The following LRP1 variants were observed in gnomAD, a reference collection of about 807,000 sequenced individuals.
The protein encoded by LRP1 is LDL receptor related protein 1.
LRP1 carries 51 observed loss-of-function variants against 541.5 expected under a neutral mutation model. The ratio of observed to expected loss-of-function variants is 0.09; its 90% CI spans 0.08 to 0.12. The LOEUF is 0.12. Ranked by LOEUF, LRP1 falls within the 10% of genes least tolerant of loss-of-function variation. The probability of loss-of-function intolerance (pLI) is 1.00; values close to 1 mark genes in which losing one functional copy is unlikely to be tolerated. For missense variants in LRP1, 3,878 were observed against 6,376.2 expected, an observed-to-expected ratio of 0.61 and a Z score of 13.34; for synonymous variants, 2,219 against 2,470.8, an observed-to-expected ratio of 0.90 and a Z score of 3.02.
Position 57,175,958 on chromosome 12 carries a change from C to T in LRP1, c.3843C>T (p.Arg1281=), listed in dbSNP as rs1465454736. 4 of 1,614,134 alleles carry T rather than the reference C, an allele frequency of 2.5e-6. No homozygotes were observed. In the Admixed American group the frequency reaches 6.7e-5, roughly 27 times the overall value. The change falls in exon 24 of 89, where the codon CGC becomes CGT. Residue 1281 remains arginine (R), a synonymous_variant. Coordinates refer to ENST00000243077, the MANE Select transcript of LRP1 (RefSeq NM_002332.3). ...TCTCCAACCGCCATGAAATCCGGCGCATCGATCTTCACAAAGGAGACTACA... is the reference window on the plus strand; with the variant it reads ...TCTCCAACCGCCATGAAATCCGGCGTATCGATCTTCACAAAGGAGACTACA... ...IIFSNRHEIR[R]IDLHKGDYSV... is the part of the protein sequence containing the mutation.
chr12:57,154,275 G>A lies in LRP1; in HGVS notation c.909G>A (p.Arg303=), dbSNP rs1328928509. The A allele has an allele frequency of 1.5e-5, 25 of 1,614,200 alleles. No homozygotes were observed. Among genetic ancestry groups the A allele is most frequent in the Non-Finnish European group, 2.1e-5 (25 of 1,180,026 alleles). Reference sequence around the variant, plus strand: ...ACTTTGTGGATGACATCGATGATAGGATCTTTGTCTGCAACAGAAATGGGG... The same window carrying A: ...ACTTTGTGGATGACATCGATGATAGAATCTTTGTCTGCAACAGAAATGGGG... ...NFYFVDDIDD[R]IFVCNRNGDT... Residue 303 remains arginine, a synonymous_variant, in exon 7 of 89, where the codon AGG becomes AGA. Coordinates refer to ENST00000243077, the MANE Select transcript of LRP1 (RefSeq NM_002332.3). This position sits in a 1 kb window ranked among gnomAD's most constrained non-coding sequence, Gnocchi z 4.6.
In LRP1 at chr12:57,173,667, C is replaced by T; in HGVS notation, c.3347-113C>T. On this transcript the variant is annotated intron_variant, in intron 21 of 88. Coordinates refer to ENST00000243077, the MANE Select transcript of LRP1 (RefSeq NM_002332.3). The surrounding 1 kb of genome is among the most constrained non-coding windows in gnomAD (Gnocchi z 4.7). ...AAAAAGCCTCGGGGTTCCTCGTGGA[C>T]CCCACAGCGTTGCAATCCTGACCCT... The T allele has an allele frequency of 2.6e-6, 3 of 1,138,508 alleles. No individual in the cohort carries two copies. The highest frequency in any genetic ancestry group is 2.1e-4 in the Middle Eastern group (1 of 4,724). The allele number at this position is 1,138,508 out of a possible 1,614,324, so 70.5% of individuals were successfully genotyped here.
chr12:57,194,938 G>T, intron 50 of LRP1, 47 bp from the exon 51 acceptor site: 3 of 1,512,678 alleles, frequency 2.0e-6, no homozygotes, highest in Non-Finnish European at 2.8e-6. Context: ...CCCCAGGTGG[G>T]TGACCCCCAC....
intron 6 of LRP1, among the ~76,000 whole-genome samples, chr12:57,153,958 C>G (rs1253743594): frequency 6.6e-6 from 1 of 151,930 alleles, no homozygotes; most frequent in Non-Finnish European, 1.5e-5. Context: ...GTGCTCTCTA[C>G]CTTTTGGTGC....
At chr12:57,144,757 G>T in intron 4 of LRP1, 1 of 582,326 alleles carries the variant, frequency 1.7e-6, no homozygotes, top group Non-Finnish European at 3.1e-6. Flanking sequence ...TCCCTGCGTG[G>T]ATGAGTGATA....
At chr12:57,163,748 T>C (rs1373269491) in intron 15 of LRP1, among the ~76,000 whole-genome samples, 1 of 152,228 alleles carries the variant, frequency 6.6e-6, no homozygotes, top group African/African-American at 2.4e-5. Context: ...TTTACATAGC[T>C]GTAATCATCT....
rs778959877 is a variant in LRP1 at position 57,185,241 on chromosome 12, A to C, written c.6463+36A>C. 6.9e-5 allele frequency: 111 copies of C among 1,611,374 alleles called. No homozygotes were observed. The highest frequency in any genetic ancestry group is 9.2e-5 in the Non-Finnish European group (109 of 1,178,390). Reference sequence around the variant, plus strand: ...GGCTCTGGGCTGGGGTGGAGAGGTGAGGGGGACTCTGGCCTGGGAGAGTGC... The same window carrying C: ...GGCTCTGGGCTGGGGTGGAGAGGTGCGGGGGACTCTGGCCTGGGAGAGTGC... On this transcript the variant is annotated intron_variant, in intron 40 of 88. Transcript: ENST00000243077. The surrounding 1 kb of genome is among the most constrained non-coding windows in gnomAD (Gnocchi z 4.9).
At position 57,198,574 on chromosome 12, in the gene LRP1, C is replaced by T. The variant is rs1471915152; in HGVS notation, c.9580C>T (p.Leu3194=). The change falls in exon 60 of 89, where the codon CTG becomes TTG. Residue 3194 remains leucine, a synonymous_variant. Transcript: ENST00000243077. ...CACCAAGATCACATGGCCCAATGGCCTGACGCTGGACTATGTCACTGAGCG... is the reference window on the plus strand; with the variant it reads ...CACCAAGATCACATGGCCCAATGGCTTGACGCTGGACTATGTCACTGAGCG... ...VDTKITWPNG[L]TLDYVTERIY... 1.9e-6 allele frequency: 3 copies of T among 1,613,880 alleles called. No individual in the cohort carries two copies. The highest frequency in any genetic ancestry group is 2.7e-5 in the African/African-American group (2 of 74,954).
In LRP1 at chr12:57,211,029, C is replaced by T. The variant is rs955287592; in HGVS notation, c.12917-147C>T. 3.0e-6 allele frequency: 4 copies of T among 1,355,872 alleles called. No homozygotes were observed. The highest frequency in any genetic ancestry group is 1.4e-5 in the African/African-American group (1 of 69,490). 84.0% of individuals were successfully genotyped at this position (1,355,872 alleles called of 1,614,324 possible). On this transcript the variant is annotated intron_variant, in intron 83 of 88. Coordinates refer to ENST00000243077, the MANE Select transcript of LRP1 (RefSeq NM_002332.3). The surrounding 1 kb of genome is among the most constrained non-coding windows in gnomAD (Gnocchi z 4.3). ...AGCTGAGCCAGGCCCAAGCTGCTGGCGCTTCCCCACAAAGGTGCTGGCACA... is the reference window on the plus strand; with the variant it reads ...AGCTGAGCCAGGCCCAAGCTGCTGGTGCTTCCCCACAAAGGTGCTGGCACA...
intron 34 of LRP1, 139 bp downstream of exon 34, chr12:57,181,430 C>G: frequency 9.1e-7 from 1 of 1,093,814 alleles, no homozygotes; most frequent in Non-Finnish European, 1.3e-6. Flanking sequence ...TATGAAGTGG[C>G]TATGACTCTC....
intron 42 of LRP1, 80 bp downstream of exon 42, chr12:57,187,536 G>C (rs767532716): frequency 9.9e-6 from 14 of 1,420,266 alleles, no homozygotes; most frequent in Admixed American, 6.0e-5. Flanking sequence ...AGATCCAAGC[G>C]GGGGTGCAGG....
rs752452207 is a variant in LRP1 at position 57,199,389 on chromosome 12, G to A, written c.9854G>A (p.Arg3285His). ...GACCTGCATGTCTTCCATGCCCTGC[G>A]CCAGCCAGACGGTGAGCAGGCAAGG... Reference protein sequence around the residue: ...PMDLHVFHALRQPDVPNHPCK... With the variant: ...PMDLHVFHALHQPDVPNHPCK... The change falls in exon 61 of 89, where the codon CGC (arginine) becomes CAC (histidine). Residue 3285 changes from arginine to histidine, a missense_variant. Arg to His is a conservative substitution (Grantham distance 29). Around this residue, in one of 13 missense-constraint regions of LRP1, gnomAD observed 1,100 missense variants for 1,827.4 expected, o/e 0.60. Coordinates refer to ENST00000243077, the MANE Select transcript of LRP1 (RefSeq NM_002332.3). 20 of 1,609,262 alleles carry A rather than the reference G, an allele frequency of 1.2e-5. No homozygotes were observed. The highest frequency in any genetic ancestry group is 4.0e-5 in the African/African-American group (3 of 74,882).
At chr12:57,202,645 T>A in intron 68 of LRP1, 108 bp downstream of exon 68, 1 of 851,452 alleles carries the variant, frequency 1.2e-6, no homozygotes, top group Non-Finnish European at 1.9e-6. Context: ...CCTCCCAGGG[T>A]GGGGGCAGGA....
chr12:57,163,739 T>A (rs1042478121), intron 15 of LRP1, among the ~76,000 whole-genome samples: 2 of 152,234 alleles, frequency 1.3e-5, no homozygotes, highest in African/African-American at 4.8e-5. Flanking sequence ...TAATTGTTTT[T>A]TACATAGCTG....
intron 1 of LRP1, among the ~76,000 whole-genome samples, chr12:57,136,614 C>T (rs889379656): frequency 1.1e-4 from 17 of 152,120 alleles, no homozygotes; most frequent in African/African-American, 3.4e-4. Flanking sequence ...GGAAAAGCCA[C>T]GAAAGGCCAG....
chr12:57,179,706 A>T lies in LRP1; in HGVS notation c.4967-76A>T. 1 of 1,483,442 alleles carries T rather than the reference A, an allele frequency of 6.7e-7. No individual in the cohort carries two copies. Among genetic ancestry groups the T allele is most frequent in the Non-Finnish European group, 9.3e-7 (1 of 1,075,674 alleles). 91.9% of individuals were successfully genotyped at this position (1,483,442 alleles called of 1,614,324 possible). Reference sequence around the variant, plus strand: ...CCTGGTTTCCTGATCCCTTTTCTCCAGAAGGCACACTGGCTCCCCTCCTGA... The same window carrying T: ...CCTGGTTTCCTGATCCCTTTTCTCCTGAAGGCACACTGGCTCCCCTCCTGA... On this transcript the variant is annotated intron_variant, in intron 29 of 88. Transcript: ENST00000243077. The surrounding 1 kb of genome is among the most constrained non-coding windows in gnomAD (Gnocchi z 6.8).
chr12:57,137,666 C>T (rs996658183), intron 1 of LRP1, among the ~76,000 whole-genome samples: 3 of 151,992 alleles, frequency 2.0e-5, no homozygotes, highest in African/African-American at 7.3e-5. Flanking sequence ...CATGGTGATG[C>T]ATGTCTGTAG....
intron 1 of LRP1, among the ~76,000 whole-genome samples, chr12:57,130,301 C>T (rs1336300399): frequency 2.0e-5 from 3 of 152,148 alleles, no homozygotes; most frequent in Admixed American, 2.0e-4. Context: ...GATTATCTCC[C>T]TCCCTCTCCC....
chr12:57,180,882 C>T, intron 33 of LRP1, 75 bp downstream of exon 33: 4 of 1,582,292 alleles, frequency 2.5e-6, no homozygotes, highest in East Asian at 4.5e-5. Context: ...GGCTGCAGGG[C>T]CATGGGGCAA....
Sources: allele counts gnomAD v4.1 joint callset (sites outside exome capture counted in the v4.1 genomes callset), GRCh38; gene constraint gnomAD v4.1.1; regional missense constraint gnomAD v4.1.1; non-coding constraint Gnocchi (gnomAD v3.1); transcripts MANE v1.5; gene names NCBI Gene and HGNC (gene_info 2026-07-23, HGNC 2026-07-21).